CCDC18: variants seen among roughly 807,000 people sequenced by gnomAD.
CCDC18 encodes coiled-coil domain-containing protein 18.
A neutral mutation model predicts 196.0 loss-of-function variants in CCDC18; 157 were observed. The observed-to-expected ratio is 0.80, with a 90% CI of 0.70 to 0.91. CCDC18 has a LOEUF of 0.91. Ranked by LOEUF, CCDC18 falls within the 40% of genes least tolerant of loss-of-function variation. The pLI is 0.00. For synonymous variants in CCDC18, 482 were observed against 529.2 expected (o/e 0.91, Z 1.22); for missense variants, 1,465 against 1,611.6 (o/e 0.91, Z 1.56).
intron 22 of CCDC18, 89 bp downstream of exon 22, chr1:93,246,293 G>T (rs548152769): frequency 3.8e-6 from 3 of 786,052 alleles, no homozygotes; most frequent in East Asian, 2.7e-5. Flanking sequence ...TTTGTAAAAT[G>T]GGCATTTTTA....
chr1:93,180,766 T>A lies in CCDC18; in HGVS notation c.-89T>A. On this transcript the variant is annotated 5_prime_UTR_variant, in exon 1 of 29. Transcript: ENST00000690025. ...GCCGGGGTTCGCTGGTTCTCCGAGTTGTGTCCGAGGCTTCCACGCGCAGGG... is the reference window on the plus strand; with the variant it reads ...GCCGGGGTTCGCTGGTTCTCCGAGTAGTGTCCGAGGCTTCCACGCGCAGGG... The A allele has an allele frequency of 7.3e-7, 1 of 1,367,504 alleles. No individual in the cohort carries two copies. Among genetic ancestry groups the A allele is most frequent in the Admixed American group, 1.9e-5 (1 of 52,584 alleles). 84.7% of individuals were successfully genotyped at this position (1,367,504 alleles called of 1,614,324 possible).
intron 14 of CCDC18, among the ~76,000 whole-genome samples, chr1:93,218,682 G>T (rs889070421): frequency 1.3e-5 from 2 of 152,042 alleles, no homozygotes; most frequent in Admixed American, 1.3e-4. Flanking sequence ...GCTAATTTTT[G>T]TATTTTTAGT....
intron 28 of CCDC18, among the ~76,000 whole-genome samples, chr1:93,277,216 T>C (rs2101594559): frequency 3.4e-5 from 1 of 29,644 alleles, no homozygotes; most frequent in Non-Finnish European, 5.6e-5. Context: ...AATCGGGTTT[T>C]ATACCGAGAC....
intron 23 of CCDC18, among the ~76,000 whole-genome samples, chr1:93,253,402 G>C (rs1662523313): frequency 6.6e-6 from 1 of 152,140 alleles, no homozygotes; most frequent in South Asian, 2.1e-4. Context: ...TATTTCAGAG[G>C]TGCATGTGTC....
intron 18 of CCDC18, among the ~76,000 whole-genome samples, chr1:93,233,206 A>T (rs190983350): frequency 7.4e-4 from 112 of 152,278 alleles, no homozygotes; most frequent in Non-Finnish European, 3.7e-4. Context: ...ATGGTATGTG[A>T]TATTCCTTAA....
At chr1:93,261,703 G>A (rs2101218418) in intron 26 of CCDC18, among the ~76,000 whole-genome samples, 1 of 151,942 alleles carries the variant, frequency 6.6e-6, no homozygotes, top group African/African-American at 2.4e-5. Context: ...TAACATAAAT[G>A]TTAAACCCAT....
intron 18 of CCDC18, among the ~76,000 whole-genome samples, chr1:93,235,289 G>A (rs1173039299): frequency 6.6e-6 from 1 of 152,148 alleles, no homozygotes; most frequent in Admixed American, 6.5e-5. Flanking sequence ...AATATAGAAT[G>A]AGAAGCAAGA....
intron 21 of CCDC18, among the ~76,000 whole-genome samples, chr1:93,241,922 A>G (rs1357826921): frequency 6.6e-6 from 1 of 152,090 alleles, no homozygotes; most frequent in African/African-American, 2.4e-5. Flanking sequence ...CAAGTGTAGA[A>G]AAAAAATGAA....
intron 18 of CCDC18, among the ~76,000 whole-genome samples, chr1:93,235,085 A>G (rs1453708794): frequency 2.0e-5 from 3 of 150,646 alleles, no homozygotes; most frequent in Non-Finnish European, 4.4e-5. Flanking sequence ...TTGGCCTCCC[A>G]AAGTGCTGGG....
At chr1:93,220,354 C>T (rs1657211020) in intron 14 of CCDC18, among the ~76,000 whole-genome samples, 1 of 152,032 alleles carries the variant, frequency 6.6e-6, no homozygotes, top group African/African-American at 2.4e-5. Flanking sequence ...GAATTTGTCA[C>T]CAGCAGACTT....
At chr1:93,191,939 A>G in intron 4 of CCDC18, 61 bp from the exon 5 acceptor site, 1 of 1,191,716 alleles carries the variant, frequency 8.4e-7, no homozygotes, top group Non-Finnish European at 1.2e-6. Context: ...GAAAAAAACT[A>G]AGGACCAAGT....
At chr1:93,239,560 G>A (rs973341527) in intron 20 of CCDC18, 87 bp downstream of exon 20, 24 of 1,462,018 alleles carry the variant, frequency 1.6e-5, no homozygotes, top group Middle Eastern at 2.1e-4. Context: ...TGGTGGGGCT[G>A]GAAGGGAAAA....
chr1:93,258,632 T>C, intron 25 of CCDC18, 116 bp from the exon 26 acceptor site: 1 of 715,992 alleles, frequency 1.4e-6, no homozygotes, highest in Non-Finnish European at 2.1e-6. Flanking sequence ...TAACTTTGTG[T>C]CTGTGTTTAT....
At chr1:93,256,314 C>A (rs1200126358) in intron 24 of CCDC18, 21 bp from the exon 25 acceptor site, 2 of 1,604,678 alleles carry the variant, frequency 1.2e-6, no homozygotes, top group Non-Finnish European at 1.7e-6. Flanking sequence ...CTGAAACCTA[C>A]AAATACCTTA....
intron 21 of CCDC18, among the ~76,000 whole-genome samples, chr1:93,240,704 AC>A (rs1351224222): frequency 6.6e-6 from 1 of 152,110 alleles, no homozygotes; most frequent in African/African-American, 2.4e-5. Context: ...ACACTTCCAA[AC>A]CCATTTCTCC....
At chr1:93,246,235 G>A (rs1348376789) in intron 22 of CCDC18, 31 bp downstream of exon 22, 9 of 1,486,424 alleles carry the variant, frequency 6.1e-6, no homozygotes, top group African/African-American at 1.4e-5. Context: ...TTTTAATGGA[G>A]TTTTCTGTTA....
At chr1:93,184,694 CTCT>C (rs1650325270) in intron 3 of CCDC18, among the ~76,000 whole-genome samples, 1 of 151,940 alleles carries the variant, frequency 6.6e-6, no homozygotes, top group African/African-American at 2.4e-5. Flanking sequence ...CTTTTACACT[CTCT>C]TCCTATTCTT....
At chr1:93,233,187 G>A (rs1335247003) in intron 18 of CCDC18, among the ~76,000 whole-genome samples, 3 of 151,612 alleles carry the variant, frequency 2.0e-5, no homozygotes, top group Admixed American at 1.3e-4. Flanking sequence ...TTCCTTTTTG[G>A]ATCAGGACAT....
chr1:93,223,179 G>A (rs1257061558), intron 16 of CCDC18, among the ~76,000 whole-genome samples: 2 of 152,094 alleles, frequency 1.3e-5, no homozygotes, highest in Non-Finnish European at 2.9e-5. Context: ...ACTACCTAAC[G>A]TAACTGGGCA....
Sources: allele counts gnomAD v4.1 joint callset (sites outside exome capture counted in the v4.1 genomes callset), GRCh38; gene constraint gnomAD v4.1.1; transcripts MANE v1.5; gene names NCBI Gene and HGNC (gene_info 2026-07-23, HGNC 2026-07-21).